Variants in C7orf57 observed in about 807,000 individuals in gnomAD.
C7orf57 encodes the protein chromosome 7 open reading frame 57.
In C7orf57, 33 loss-of-function variants were observed where a neutral mutation model predicts 39.0. The ratio of observed to expected loss-of-function variants is 0.85; its 90% CI spans 0.64 to 1.13. C7orf57 has a LOEUF of 1.13. Ranked by LOEUF, C7orf57 falls within the 50% of genes most tolerant of loss-of-function variation. The pLI, the probability that C7orf57 is intolerant of heterozygous loss-of-function variation, is 0.00. For missense variants in C7orf57, 346 were observed against 362.3 expected, an observed-to-expected ratio of 0.95 and a Z score of 0.37; for synonymous variants, 124 against 137.1, an observed-to-expected ratio of 0.90 and a Z score of 0.67.
intron 8 of C7orf57, among the ~76,000 whole-genome samples, chr7:48,054,854 T>A (rs1791065255): frequency 6.6e-6 from 1 of 151,378 alleles, no homozygotes. Flanking sequence ...AAGATGATGA[T>A]GATGATGATG....
chr7:48,056,154 T>G (rs539452124), intron 8 of C7orf57, among the ~76,000 whole-genome samples: 17 of 152,334 alleles, frequency 1.1e-4, no homozygotes, highest in Admixed American at 2.0e-4. Flanking sequence ...ATAATAGCCA[T>G]TTTGACAGGT....
At chr7:48,043,113 G>A (rs1327260252) in intron 3 of C7orf57, among the ~76,000 whole-genome samples, 1 of 152,182 alleles carries the variant, frequency 6.6e-6, no homozygotes, top group Non-Finnish European at 1.5e-5. Context: ...GGGTAGCTGA[G>A]GATGAGGGAG....
At chr7:48,043,612 A>AT in intron 4 of C7orf57, 23 bp downstream of exon 4, 1 of 1,579,756 alleles carries the variant, frequency 6.3e-7, no homozygotes, top group Non-Finnish European at 8.7e-7. Context: ...AAGCACTCAC[A>AT]TTTTTGTTTA....
intron 5 of C7orf57, among the ~76,000 whole-genome samples, chr7:48,048,620 AC>A (rs1790784322): frequency 6.6e-6 from 1 of 151,980 alleles, no homozygotes; most frequent in African/African-American, 2.4e-5. Context: ...AGCGAAACCC[AC>A]CTTTTATAGA....
intron 5 of C7orf57, 32 bp downstream of exon 5, chr7:48,046,648 C>T: frequency 2.5e-6 from 4 of 1,595,220 alleles, no homozygotes; most frequent in Middle Eastern, 1.7e-4. Flanking sequence ...ACGGCATCCG[C>T]ATCCGCTTTG....
chr7:48,036,323 C>G lies in C7orf57; in HGVS notation c.15C>G (p.Ser5Arg). 2 of 1,590,248 alleles carry G rather than the reference C, an allele frequency of 1.3e-6. No individual in the cohort carries two copies. Among genetic ancestry groups the G allele is most frequent in the Non-Finnish European group, 1.7e-6 (2 of 1,168,604 alleles). The part of the protein sequence containing the change: MRNT[S>R]KELQGATHRY... ...AGCGCCTGACCATGAGGAACACAAG[C>G]AAGGAACTTCAGGGCGCCACGCACC... Residue 5 changes from serine (S) to arginine (R), a missense_variant, in exon 2 of 9, where the codon AGC becomes AGG. Transcript: ENST00000348904.
intron 6 of C7orf57, among the ~76,000 whole-genome samples, chr7:48,050,393 C>T (rs1790840621): frequency 6.6e-6 from 1 of 152,238 alleles, no homozygotes; most frequent in Non-Finnish European, 1.5e-5. Flanking sequence ...CGTGCTGGCT[C>T]TGTTTCCAGT....
intron 4 of C7orf57, 84 bp downstream of exon 4, chr7:48,043,673 T>A: frequency 1.9e-6 from 2 of 1,030,536 alleles, no homozygotes; most frequent in Non-Finnish European, 3.0e-6. Context: ...TACAAATGTC[T>A]AATAGTGGTA....
intron 1 of C7orf57, 116 bp from the exon 2 acceptor site, chr7:48,036,092 T>C (rs886089580): frequency 1.6e-6 from 1 of 615,536 alleles, no homozygotes; most frequent in Non-Finnish European, 2.9e-6. Context: ...ACATGCCCCC[T>C]GCTGTATACC....
Position 48,054,845 on chromosome 7 carries a change from A to AGAT in C7orf57, c.841+261_841+263dup, listed in dbSNP as rs756547871. Among the ~76,000 whole-genome samples the AGAT allele has an allele frequency of 6.3e-3, 945 of 150,008 alleles. 9 individuals carry two copies. Among genetic ancestry groups the AGAT allele is most frequent in the South Asian group, 0.015 (72 of 4,708 alleles). On this transcript the variant is annotated intron_variant, in intron 8 of 8. Coordinates refer to ENST00000348904, the MANE Select transcript of C7orf57 (RefSeq NM_001100159.3). Reference sequence around the variant, plus strand: ...CGCTTACACAATTACAACAGGATGAAGATGATGATGATGATGATGATGATT... The same window carrying AGAT: ...CGCTTACACAATTACAACAGGATGAAGATGATGATGATGATGATGATGATGATT...
At chr7:48,059,656 C>A (rs746566945) in intron 8 of C7orf57, among the ~76,000 whole-genome samples, 2 of 152,208 alleles carry the variant, frequency 1.3e-5, no homozygotes, top group Non-Finnish European at 2.9e-5. Flanking sequence ...CAGCCTAAGG[C>A]TTCTTCTTAA....
Position 48,052,679 on chromosome 7 carries a change from AT to A in C7orf57, c.606-19del, listed in dbSNP as rs1245533010. 6.2e-7 allele frequency: 1 copy of A among 1,602,652 alleles called. No individual in the cohort carries two copies. On this transcript the variant is annotated intron_variant, in intron 6 of 8. Coordinates refer to ENST00000348904, the MANE Select transcript of C7orf57 (RefSeq NM_001100159.3). ...ATTAACCCTTGTACTTAAGTTTCAC[AT>A]TACTTTTACTCTTTTTAAGGCCTGG...
Position 48,052,734 on chromosome 7 carries a change from T to C in C7orf57, c.640T>C (p.Ser214Pro), listed in dbSNP as rs1311926218. The change falls in exon 7 of 9, where the codon TCC (serine) becomes CCC (proline). Residue 214 changes from serine (S) to proline (P), a missense_variant. Transcript: ENST00000348904. The part of the protein sequence containing the change: ...GQKNSSPTNF[S>P]KLISNGYKDE... ...AAAAAACAGTTCACCTACCAATTTT[T>C]CCAAACTCATTAGCAATGGTTATAA... The C allele has an allele frequency of 6.2e-7, 1 of 1,613,986 alleles. No individual in the cohort carries two copies. The highest frequency in any genetic ancestry group is 8.5e-7 in the Non-Finnish European group (1 of 1,179,892).
At chr7:48,037,213 A>G (rs540552388) in intron 2 of C7orf57, among the ~76,000 whole-genome samples, 1 of 152,164 alleles carries the variant, frequency 6.6e-6, no homozygotes, top group Non-Finnish European at 1.5e-5. Flanking sequence ...GCCTTTTCCC[A>G]GTAGGCTCTG....
chr7:48,041,916 C>T (rs1024725617), intron 3 of C7orf57, among the ~76,000 whole-genome samples: 1 of 152,176 alleles, frequency 6.6e-6, no homozygotes, highest in Non-Finnish European at 1.5e-5. Flanking sequence ...ATTCTCATTG[C>T]GGCTTGTCCT....
chr7:48,041,128 G>A (rs531677645), intron 2 of C7orf57, among the ~76,000 whole-genome samples: 3 of 152,164 alleles, frequency 2.0e-5, no homozygotes, highest in Non-Finnish European at 4.4e-5. Context: ...GTGGCATCTT[G>A]GTGGGCAGTA....
chr7:48,039,646 A>G (rs1485505467), intron 2 of C7orf57, among the ~76,000 whole-genome samples: 1 of 152,204 alleles, frequency 6.6e-6, no homozygotes, highest in Non-Finnish European at 1.5e-5. Context: ...ACACAGCTAA[A>G]ATAATGCTTT....
At chr7:48,037,341 C>A (rs1315853968) in intron 2 of C7orf57, among the ~76,000 whole-genome samples, 1 of 152,196 alleles carries the variant, frequency 6.6e-6, no homozygotes, top group East Asian at 1.9e-4. Context: ...TACACTAACT[C>A]ATTTAACCTC....
At chr7:48,059,367 T>C (rs1017134118) in intron 8 of C7orf57, among the ~76,000 whole-genome samples, 1 of 152,212 alleles carries the variant, frequency 6.6e-6, no homozygotes. Flanking sequence ...TTTTATTTTT[T>C]TGAGACAGGG....
Sources: gnomAD v4.1 joint callset for allele counts (sites outside exome capture counted in the v4.1 genomes callset) on GRCh38, gnomAD v4.1.1 for gene constraint, MANE v1.5 for transcripts, NCBI Gene and HGNC (gene_info 2026-07-23, HGNC 2026-07-21) for gene names.